ADD3: variants seen among roughly 807,000 people sequenced by gnomAD.
The protein encoded by ADD3 is gamma-adducin.
ADD3 carries 25 observed loss-of-function variants against 80.2 expected under a neutral mutation model. That is an observed-to-expected ratio of 0.31 (90% CI 0.23 to 0.44). The LOEUF is 0.44. Ranked by LOEUF, ADD3 falls within the 20% of genes least tolerant of loss-of-function variation. The probability of loss-of-function intolerance (pLI) is 1.00; values close to 1 mark genes in which losing one functional copy is unlikely to be tolerated. For missense variants in ADD3, 829 were observed against 847.5 expected (o/e 0.98, Z 0.27); for synonymous variants, 284 against 289.6 (o/e 0.98, Z 0.20).
chr10:110,119,769 CA>C lies in ADD3; in HGVS notation c.960+207del. The C allele has an allele frequency of 1.4e-5, 7 of 505,270 alleles. No homozygotes were observed. The South Asian group carries it at 1.7e-4, about 12-fold the overall frequency. The allele number at this position is 505,270 out of a possible 1,614,324, so 31.3% of individuals were successfully genotyped here. A position where few individuals can be genotyped will look rare whatever the true frequency, so the allele number is the denominator to read the frequency against. ...AAGGAAATTAAAATTTTCTCACACACAATCTAAGGGCCTCATAAACATCATT... is the reference window on the plus strand; with the variant it reads ...AAGGAAATTAAAATTTTCTCACACACATCTAAGGGCCTCATAAACATCATT... On this transcript the variant is annotated intron_variant, in intron 8 of 14. Coordinates refer to ENST00000356080, the MANE Select transcript of ADD3 (RefSeq NM_016824.5).
intron 9 of ADD3, among the ~76,000 whole-genome samples, chr10:110,123,346 G>T (rs1851745170): frequency 6.6e-6 from 1 of 152,186 alleles, no homozygotes; most frequent in Non-Finnish European, 1.5e-5. Flanking sequence ...AGTGTGCAAA[G>T]GGTCCCTTTC....
intron 1 of ADD3, among the ~76,000 whole-genome samples, chr10:110,068,715 T>C (rs1844293599): frequency 6.6e-6 from 1 of 152,218 alleles, no homozygotes; most frequent in African/African-American, 2.4e-5. Flanking sequence ...GTTTAGATGT[T>C]GTAGGTGTGA....
intron 1 of ADD3, among the ~76,000 whole-genome samples, chr10:110,025,127 C>G (rs1854131180): frequency 3.3e-5 from 5 of 151,916 alleles, no homozygotes; most frequent in Admixed American, 3.3e-4. Flanking sequence ...AACTCCTGGC[C>G]TCAAGTGATC....
intron 5 of ADD3, among the ~76,000 whole-genome samples, chr10:110,118,378 C>G (rs146322912): frequency 6.6e-6 from 1 of 152,300 alleles, no homozygotes; most frequent in African/African-American, 2.4e-5. Flanking sequence ...TTTATGGGAA[C>G]AAAGCTATAC....
At position 110,100,985 on chromosome 10, in the gene ADD3, A is replaced by G. The variant is rs569697030; in HGVS notation, c.195+137A>G. On this transcript the variant is annotated intron_variant, in intron 2 of 14. Transcript: ENST00000356080. ...GGTGACCAGTTGCTTCCAGTCTTTCAAAGGAGAAATGGACATCTAATTTGT... is the reference window on the plus strand; with the variant it reads ...GGTGACCAGTTGCTTCCAGTCTTTCGAAGGAGAAATGGACATCTAATTTGT... 67 of 696,614 alleles carry G rather than the reference A, an allele frequency of 9.6e-5. No homozygotes were observed. In the South Asian group the frequency reaches 1.6e-3, roughly 17 times the overall value. 43.2% of individuals were successfully genotyped at this position (696,614 alleles called of 1,614,324 possible).
In ADD3 at chr10:110,027,555, A is replaced by G. The variant is rs536432756; in HGVS notation, c.-30+19256A>G. On this transcript the variant is annotated intron_variant, in intron 1 of 14. Coordinates refer to ENST00000356080, the MANE Select transcript of ADD3 (RefSeq NM_016824.5). ...AAAAAATTTTTACTCAGTCCTGTCT[A>G]TATTTTACACTTAGCACATCTTAAT... Among the ~76,000 whole-genome samples the G allele has an allele frequency of 7.9e-4, 120 of 152,320 alleles. 1 individual carries two copies. Among genetic ancestry groups the G allele is most frequent in the African/African-American group, 2.8e-3 (115 of 41,584 alleles).
chr10:110,080,291 G>C (rs1371680175), intron 1 of ADD3, among the ~76,000 whole-genome samples: 1 of 152,130 alleles, frequency 6.6e-6, no homozygotes, highest in Non-Finnish European at 1.5e-5. Flanking sequence ...TAAAATAAGA[G>C]ATTGAAATAG....
At chr10:110,080,251 A>T (rs1368298809) in intron 1 of ADD3, among the ~76,000 whole-genome samples, 3 of 152,106 alleles carry the variant, frequency 2.0e-5, no homozygotes, top group Non-Finnish European at 4.4e-5. Context: ...GGGTCACCTG[A>T]CCTCCTTGAA....
chr10:110,063,795 G>A (rs563551468), intron 1 of ADD3, among the ~76,000 whole-genome samples: 25 of 106,918 alleles, frequency 2.3e-4, no homozygotes, highest in Admixed American at 8.3e-4. Context: ...AGTGAACACC[G>A]TGTGTAACCT....
chr10:110,089,957 A>G (rs897592757), intron 1 of ADD3, among the ~76,000 whole-genome samples: 2 of 152,130 alleles, frequency 1.3e-5, no homozygotes, highest in Admixed American at 1.3e-4. Context: ...ATTTCAAGTT[A>G]CCAGTGAATG....
At chr10:109,996,726 T>G (rs751677790) in intron 1 of ADD3, among the ~76,000 whole-genome samples, 3 of 152,236 alleles carry the variant, frequency 2.0e-5, no homozygotes, top group Non-Finnish European at 4.4e-5. Flanking sequence ...AAACTCAGTA[T>G]CTGGGAGGGC....
At position 110,117,408 on chromosome 10, in the gene ADD3, A is replaced by G. The variant is rs1359148248; in HGVS notation, c.553A>G (p.Thr185Ala). 5 of 1,598,524 alleles carry G rather than the reference A, an allele frequency of 3.1e-6. No individual in the cohort carries two copies. The highest frequency in any genetic ancestry group is 4.3e-6 in the Non-Finnish European group (5 of 1,166,080). ...CAGAGGCCTATCTTTTTCTGAAGCT[A>G]CAGCCTCCAATTTGGTATAATTTTC... Reference protein sequence around the residue: ...IPRGLSFSEATASNLVKVNII... With the variant: ...IPRGLSFSEAAASNLVKVNII... The change falls in exon 5 of 15, where the codon ACA (threonine) becomes GCA (alanine). Residue 185 changes from threonine (T) to alanine (A), a missense_variant. Transcript: ENST00000356080.
At chr10:110,014,216 A>G (rs1852661620) in intron 1 of ADD3, among the ~76,000 whole-genome samples, 1 of 152,236 alleles carries the variant, frequency 6.6e-6, no homozygotes, top group Non-Finnish European at 1.5e-5. Flanking sequence ...AGAGTGAGCA[A>G]CTGTTAGCTG....
At chr10:110,130,935 C>T (rs1852898529) in intron 13 of ADD3, among the ~76,000 whole-genome samples, 1 of 151,692 alleles carries the variant, frequency 6.6e-6, no homozygotes, top group East Asian at 1.9e-4. Context: ...AAGTGAGATT[C>T]CCAGATGAGT....
chr10:110,063,049 G>C (rs1229094336), intron 1 of ADD3, among the ~76,000 whole-genome samples: 1 of 152,144 alleles, frequency 6.6e-6, no homozygotes, highest in East Asian at 1.9e-4. Context: ...GTTACATGCA[G>C]GTTTTTGTTT....
At chr10:110,001,083 T>A (rs1477697799), upstream of ADD3, among the ~76,000 whole-genome samples, 2 of 152,190 alleles carry the variant, frequency 1.3e-5, no homozygotes, top group Non-Finnish European at 2.9e-5. Context: ...TGTCATTTAA[T>A]CCTCACAACA....
At chr10:110,091,846 A>G (rs1484740814) in intron 1 of ADD3, among the ~76,000 whole-genome samples, 1 of 152,250 alleles carries the variant, frequency 6.6e-6, no homozygotes, top group East Asian at 1.9e-4. Context: ...CAAACTATGC[A>G]TCCAACAAAG....
intron 1 of ADD3, among the ~76,000 whole-genome samples, chr10:110,051,131 C>T (rs1857470921): frequency 6.6e-6 from 1 of 152,112 alleles, no homozygotes; most frequent in Non-Finnish European, 1.5e-5. Context: ...AAGTAAGACC[C>T]TTGTACAACA....
At chr10:110,028,835 A>G (rs948131032) in intron 1 of ADD3, among the ~76,000 whole-genome samples, 6 of 151,312 alleles carry the variant, frequency 4.0e-5, no homozygotes, top group African/African-American at 1.2e-4. Context: ...AAAAATCACA[A>G]TTAACTCTCG....
Sources: allele counts gnomAD v4.1 joint callset (sites outside exome capture counted in the v4.1 genomes callset), GRCh38; gene constraint gnomAD v4.1.1; transcripts MANE v1.5; gene names NCBI Gene and HGNC (gene_info 2026-07-23, HGNC 2026-07-21).